Variants in XRN1 observed in about 807,000 individuals in gnomAD.
XRN1 encodes strand-exchange protein 1 homolog.
XRN1 carries 67 observed loss-of-function variants against 222.3 expected under a neutral mutation model. That is an observed-to-expected ratio of 0.30 (90% CI 0.25 to 0.37). XRN1 has a LOEUF of 0.37. XRN1 is among the 10% of genes least tolerant of loss of function. The pLI is 1.00. For synonymous variants in XRN1, 643 were observed against 652.4 expected (o/e 0.99, Z 0.22); for missense variants, 1,707 against 2,000.2 (o/e 0.85, Z 2.80).
intron 25 of XRN1, among the ~76,000 whole-genome samples, chr3:142,375,033 T>C (rs1373455512): frequency 1.3e-5 from 2 of 152,208 alleles, no homozygotes; most frequent in East Asian, 3.9e-4. Context: ...CCAAAGAACA[T>C]ATAAGGCTAT....
intron 13 of XRN1, among the ~76,000 whole-genome samples, chr3:142,416,213 G>A (rs2068780191): frequency 6.6e-6 from 1 of 151,962 alleles, no homozygotes. Flanking sequence ...GTCTTGTTCT[G>A]CTGCCCAAGC....
chr3:142,308,770 T>C lies in XRN1; in HGVS notation c.*2741A>G, dbSNP rs1329970990. 1 of 152,204 alleles carries C rather than the reference T, an allele frequency of 6.6e-6. No individual in the cohort carries two copies. 9.4% of individuals were successfully genotyped at this position (152,204 alleles called of 1,614,324 possible). A position where few individuals can be genotyped will look rare whatever the true frequency, so the allele number is the denominator to read the frequency against. On this transcript the variant is annotated 3_prime_UTR_variant, in exon 41 of 41. Transcript: ENST00000392981. ...GTTAGGAGACAAAGGCTTAAATAGA[T>C]TGAAGTGCTCTAGTTATGTGGAAGC...
chr3:142,412,432 A>C, intron 15 of XRN1, 112 bp downstream of exon 15: 1 of 1,344,526 alleles, frequency 7.4e-7, no homozygotes, highest in Non-Finnish European at 9.7e-7. Flanking sequence ...AGGGTAGCTA[A>C]ATCTCATTAA....
intron 20 of XRN1, among the ~76,000 whole-genome samples, chr3:142,394,422 C>T (rs1479548821): frequency 6.6e-6 from 1 of 152,178 alleles, no homozygotes; most frequent in African/African-American, 2.4e-5. Context: ...TACCATTCTA[C>T]CACATTTTCC....
At chr3:142,433,739 G>A (rs2069732664) in intron 1 of XRN1, among the ~76,000 whole-genome samples, 1 of 152,170 alleles carries the variant, frequency 6.6e-6, no homozygotes. Flanking sequence ...AATAGAGTCT[G>A]CCTTACATAT....
chr3:142,433,750 T>C (rs1280179865), intron 1 of XRN1, among the ~76,000 whole-genome samples: 1 of 152,240 alleles, frequency 6.6e-6, no homozygotes, highest in Non-Finnish European at 1.5e-5. Context: ...CCTTACATAT[T>C]CATTAAAGTA....
chr3:142,368,002 ACTC>A (rs1446006113), intron 27 of XRN1, among the ~76,000 whole-genome samples: 1 of 150,226 alleles, frequency 6.7e-6, no homozygotes, highest in Non-Finnish European at 1.5e-5. Flanking sequence ...GTTTAAGAAA[ACTC>A]CTGTCTTATC....
At chr3:142,380,522 C>T (rs568210163) in intron 22 of XRN1, among the ~76,000 whole-genome samples, 39 of 152,216 alleles carry the variant, frequency 2.6e-4, no homozygotes, top group Non-Finnish European at 1.9e-4. Flanking sequence ...TAGACAGGAT[C>T]TCGCTCTGTC....
At chr3:142,325,461 T>A (rs1204193921) in intron 37 of XRN1, among the ~76,000 whole-genome samples, 1 of 152,154 alleles carries the variant, frequency 6.6e-6, no homozygotes, top group Non-Finnish European at 1.5e-5. Context: ...CACATGGGGG[T>A]ATACATGCAG....
In XRN1 at chr3:142,447,812, G is replaced by A. The variant is rs865944816; in HGVS notation, c.75+58C>T. On this transcript the variant is annotated intron_variant, in intron 1 of 40. Transcript: ENST00000392981. This position sits in a 1 kb window ranked among gnomAD's most constrained non-coding sequence, Gnocchi z 4.2. ...TCGAAAGCCCCAGCTCTAAGGTGGA[G>A]AGGGCCGCGGAGCCCCGGGTCCTCG... The A allele has an allele frequency of 4.0e-5, 64 of 1,594,226 alleles. No individual in the cohort carries two copies. Among genetic ancestry groups the A allele is most frequent in the Middle Eastern group, 2.1e-4 (1 of 4,840 alleles).
intron 36 of XRN1, 120 bp downstream of exon 36, chr3:142,332,254 TA>T: frequency 1.2e-6 from 1 of 861,302 alleles, no homozygotes; most frequent in Non-Finnish European, 1.7e-6. Context: ...ACACCATCTC[TA>T]AAATAAATAA....
At chr3:142,418,926 C>A in intron 10 of XRN1, 45 bp from the exon 11 acceptor site, 1 of 1,555,196 alleles carries the variant, frequency 6.4e-7, no homozygotes, top group South Asian at 1.1e-5. Flanking sequence ...AGATACATTT[C>A]AAAATGAGAT....
intron 30 of XRN1, 147 bp downstream of exon 30, chr3:142,359,715 G>T: frequency 2.0e-6 from 1 of 497,394 alleles, no homozygotes. Flanking sequence ...TAGAAAGCAT[G>T]TCTGCCTTAT....
intron 30 of XRN1, among the ~76,000 whole-genome samples, chr3:142,357,668 C>T (rs2066498318): frequency 6.6e-6 from 1 of 152,020 alleles, no homozygotes; most frequent in South Asian, 2.1e-4. Flanking sequence ...GCTCAAATGA[C>T]CCTCCATCCT....
intron 34 of XRN1, among the ~76,000 whole-genome samples, chr3:142,333,965 T>C (rs1269310083): frequency 2.6e-5 from 4 of 152,204 alleles, no homozygotes; most frequent in South Asian, 4.1e-4. Context: ...GAGAAATAAA[T>C]GTTTATTGTT....
chr3:142,313,158 T>C (rs377369694), intron 39 of XRN1: 1 of 1,612,934 alleles, frequency 6.2e-7, no homozygotes, highest in African/African-American at 1.3e-5. Context: ...CATAGTTGCT[T>C]CCATAGTGAT....
chr3:142,332,235 C>G, intron 36 of XRN1, 140 bp downstream of exon 36: 1 of 726,906 alleles, frequency 1.4e-6, no homozygotes, highest in Non-Finnish European at 2.1e-6. Flanking sequence ...GCCTGGCCAA[C>G]ACAGCAAGAC....
At chr3:142,320,150 T>A (rs978691367) in intron 37 of XRN1, among the ~76,000 whole-genome samples, 1 of 152,212 alleles carries the variant, frequency 6.6e-6, no homozygotes, top group African/African-American at 2.4e-5. Flanking sequence ...GAAACCACCA[T>A]ACTGTTTTCA....
chr3:142,445,322 T>C (rs2070456159), intron 1 of XRN1, among the ~76,000 whole-genome samples: 1 of 152,218 alleles, frequency 6.6e-6, no homozygotes, highest in African/African-American at 2.4e-5. Context: ...GTGAAATAGA[T>C]AATAGTTTTG....
Sources: allele counts gnomAD v4.1 joint callset (sites outside exome capture counted in the v4.1 genomes callset), GRCh38; gene constraint gnomAD v4.1.1; non-coding constraint Gnocchi (gnomAD v3.1); transcripts MANE v1.5; gene names NCBI Gene and HGNC (gene_info 2026-07-23, HGNC 2026-07-21).